The following RGS22 variants were observed in gnomAD, a reference collection of about 807,000 sequenced individuals.
RGS22 encodes regulator of G protein signaling 22.
A neutral mutation model predicts 172.9 loss-of-function variants in RGS22; 148 were observed. The observed-to-expected ratio is 0.86, with a 90% confidence interval of 0.75 to 0.98. The LOEUF is 0.98. Among genes scored for constraint, RGS22 ranks in the 50% least tolerant of loss-of-function variants. The pLI is 0.00. For missense variants in RGS22, 1,347 were observed against 1,440.8 expected (o/e 0.93, Z 1.05); for synonymous variants, 458 against 480.2 (o/e 0.95, Z 0.60).
intron 14 of RGS22, among the ~76,000 whole-genome samples, chr8:100,031,328 T>C (rs1818775413): frequency 6.6e-6 from 1 of 152,144 alleles, no homozygotes; most frequent in Admixed American, 6.6e-5. Context: ...TATATTAAAA[T>C]AACAGTGTGT....
At chr8:100,061,405 A>C (rs1810122516) in intron 9 of RGS22, among the ~76,000 whole-genome samples, 1 of 152,240 alleles carries the variant, frequency 6.6e-6, no homozygotes, top group Admixed American at 6.5e-5. Flanking sequence ...TTTGCAAACT[A>C]TGCATCAAAC....
In RGS22 at chr8:100,008,491, T is replaced by G. The variant is rs1563609092; in HGVS notation, c.2245A>C (p.Met749Leu). 6.2e-7 allele frequency: 1 copy of G among 1,613,432 alleles called. No homozygotes were observed. Among genetic ancestry groups the G allele is most frequent in the African/African-American group, 1.3e-5 (1 of 74,868 alleles). Residue 749 changes from methionine to leucine, a missense_variant, in exon 15 of 28, where the codon ATG becomes CTG. Physicochemically the swap from Met to Leu is conservative, Grantham distance 15 (BLOSUM62 2). Transcript: ENST00000360863. ...LQQEKKKEIY[M>L]KIQPPFEDLF... ...TCTTCAAATGGTGGCTGTATTTTCA[T>G]ATAAATTTCTTTTTTCTTTTCCTGT...
At chr8:99,988,451 G>A (rs1346532605) in intron 20 of RGS22, among the ~76,000 whole-genome samples, 1 of 151,858 alleles carries the variant, frequency 6.6e-6, no homozygotes, top group Non-Finnish European at 1.5e-5. Context: ...ATAAGAAATC[G>A]ATTTTATTGA....
At chr8:100,096,944 C>A (rs1813025027) in intron 2 of RGS22, among the ~76,000 whole-genome samples, 1 of 152,080 alleles carries the variant, frequency 6.6e-6, no homozygotes, top group African/African-American at 2.4e-5. Context: ...ACAATATAAA[C>A]TGTTTCTTCC....
chr8:100,016,011 G>A (rs6989943), intron 14 of RGS22, among the ~76,000 whole-genome samples: 29,233 of 152,000 alleles, frequency 0.19, 3,040 homozygotes, highest in African/African-American at 0.26. Flanking sequence ...AAAGTATCTG[G>A]GTTTAGATGA....
At chr8:100,001,219 TAC>T (rs1554611106) in intron 18 of RGS22, among the ~76,000 whole-genome samples, 1 of 132,964 alleles carries the variant, frequency 7.5e-6, no homozygotes, top group African/African-American at 2.8e-5. Context: ...TATATATATA[TAC>T]ATATATATAT....
chr8:100,001,654 A>G (rs1304278347), intron 18 of RGS22, among the ~76,000 whole-genome samples: 1 of 152,208 alleles, frequency 6.6e-6, no homozygotes, highest in Non-Finnish European at 1.5e-5. Flanking sequence ...GTCAATAAAA[A>G]TATTTTCTGG....
At chr8:100,098,668 G>A (rs992396462) in intron 2 of RGS22, among the ~76,000 whole-genome samples, 4 of 142,550 alleles carry the variant, frequency 2.8e-5, no homozygotes, top group African/African-American at 8.7e-5. Flanking sequence ...CTTTTCCATC[G>A]GGTTTCTGTT....
chr8:100,096,122 T>TA (rs1412187563), intron 2 of RGS22, among the ~76,000 whole-genome samples: 4 of 152,126 alleles, frequency 2.6e-5, no homozygotes, highest in African/African-American at 7.2e-5. Flanking sequence ...ACCCTTTAAT[T>TA]AAAAAAACAA....
At chr8:99,983,927 C>T (rs778438152) in intron 21 of RGS22, among the ~76,000 whole-genome samples, 9 of 152,242 alleles carry the variant, frequency 5.9e-5, no homozygotes, top group Non-Finnish European at 1.2e-4. Context: ...GTGAAAAAAG[C>T]TTAATATAAT....
At chr8:99,997,716 T>A (rs115816292) in intron 19 of RGS22, among the ~76,000 whole-genome samples, 51 of 152,266 alleles carry the variant, frequency 3.3e-4, no homozygotes, top group African/African-American at 1.1e-3. Flanking sequence ...AAAGATCAGG[T>A]TTGCCTGAAA....
chr8:100,072,261 G>T, intron 4 of RGS22, 31 bp from the exon 5 acceptor site: 1 of 1,422,724 alleles, frequency 7.0e-7, no homozygotes, highest in South Asian at 1.2e-5. Flanking sequence ...AGAAAAAGAA[G>T]GTCAGAGAAA....
At chr8:100,068,992 A>T (rs927215480) in intron 6 of RGS22, among the ~76,000 whole-genome samples, 1 of 152,106 alleles carries the variant, frequency 6.6e-6, no homozygotes, top group Non-Finnish European at 1.5e-5. Context: ...GAGAGAAGAA[A>T]AATGTGCCTT....
At chr8:100,051,832 AATGTTTATATATT>A in intron 10 of RGS22, among the ~76,000 whole-genome samples, 1 of 53,100 alleles carries the variant, frequency 1.9e-5, no homozygotes, top group African/African-American at 7.2e-5. Flanking sequence ...TTTATATATA[AATGTTTATATATT>A]TATATATTTA....
chr8:100,090,193 T>C (rs527265046), intron 3 of RGS22, among the ~76,000 whole-genome samples: 42 of 152,270 alleles, frequency 2.8e-4, no homozygotes, highest in African/African-American at 6.0e-4. Flanking sequence ...TTTTGTAAGA[T>C]AGTCATATTG....
intron 23 of RGS22, among the ~76,000 whole-genome samples, chr8:99,971,720 T>TA (rs1164862422): frequency 1.3e-5 from 2 of 152,050 alleles, no homozygotes; most frequent in Non-Finnish European, 2.9e-5. Context: ...CTCAAGGAAA[T>TA]AAGAGAGGAC....
chr8:100,103,423 T>A (rs1813659710), intron 2 of RGS22, among the ~76,000 whole-genome samples: 1 of 152,012 alleles, frequency 6.6e-6, no homozygotes, highest in Non-Finnish European at 1.5e-5. Flanking sequence ...GGGAAGAAAG[T>A]CTTTGATGTG....
intron 9 of RGS22, among the ~76,000 whole-genome samples, chr8:100,055,703 A>G (rs1476054992): frequency 1.3e-5 from 2 of 152,198 alleles, no homozygotes; most frequent in African/African-American, 4.8e-5. Context: ...TAAGTCTTAC[A>G]GTTCCCCTGC....
Position 99,981,995 on chromosome 8 carries a change from G to C in RGS22, c.3302C>G (p.Ala1101Gly). Reference sequence around the variant, plus strand: ...CTTCCGGTGTTCAATAATCTTCTGGGCTTGCTCTACTGGAATGTCAATTTG... The same window carrying C: ...CTTCCGGTGTTCAATAATCTTCTGGCCTTGCTCTACTGGAATGTCAATTTG... ...ALQIDIPVEQ[A>G]QKIIEHRKEL... Residue 1101 changes from alanine to glycine, a missense_variant, in exon 22 of 28, where the codon GCC (alanine) becomes GGC (glycine). By Grantham distance (60) the Ala-to-Gly change is moderately conservative. Transcript: ENST00000360863. 1 of 1,613,850 alleles carries C rather than the reference G, an allele frequency of 6.2e-7. No homozygotes were observed. The highest frequency in any genetic ancestry group is 8.5e-7 in the Non-Finnish European group (1 of 1,179,886).
Sources: allele counts gnomAD v4.1 joint callset (sites outside exome capture counted in the v4.1 genomes callset), GRCh38; gene constraint gnomAD v4.1.1; transcripts MANE v1.5; gene names NCBI Gene and HGNC (gene_info 2026-07-23, HGNC 2026-07-21).